EPHB1: variants seen among roughly 807,000 people sequenced by gnomAD.
The protein encoded by EPHB1 is ephrin type-B receptor 1.
A neutral mutation model predicts 94.4 loss-of-function variants in EPHB1; 30 were observed. That is an observed-to-expected ratio of 0.32 (90% CI 0.24 to 0.43). The LOEUF (loss-of-function observed/expected upper bound fraction) is 0.43. Among genes scored for constraint, EPHB1 ranks in the 20% least tolerant of loss-of-function variants. The pLI, the probability that EPHB1 is intolerant of heterozygous loss-of-function variation, is 1.00. For missense variants in EPHB1, 1,055 were observed against 1,308.3 expected, an observed-to-expected ratio of 0.81 and a Z score of 2.99; for synonymous variants, 522 against 489.1, an observed-to-expected ratio of 1.07 and a Z score of -0.89.
intron 12 of EPHB1, among the ~76,000 whole-genome samples, chr3:135,208,290 CGT>C (rs55947191): frequency 0.084 from 11,984 of 142,126 alleles, 488 homozygotes; most frequent in Middle Eastern, 0.15. Flanking sequence ...CCTTTCATGA[CGT>C]GTGTGTGTGT....
At chr3:134,950,577 AG>A (rs1369648000) in intron 2 of EPHB1, among the ~76,000 whole-genome samples, 1 of 152,208 alleles carries the variant, frequency 6.6e-6, no homozygotes, top group African/African-American at 2.4e-5. Flanking sequence ...ATGGCAGGCC[AG>A]GGGAGCCAGC....
At chr3:135,258,925 C>G (rs1933531742) in intron 15 of EPHB1, 87 bp from the exon 16 acceptor site, 6 of 1,178,292 alleles carry the variant, frequency 5.1e-6, no homozygotes, top group Admixed American at 2.2e-5. Context: ...GGCTACTTCC[C>G]AAGAACATGG....
At chr3:134,920,179 T>C (rs899073401) in intron 1 of EPHB1, among the ~76,000 whole-genome samples, 1 of 152,152 alleles carries the variant, frequency 6.6e-6, no homozygotes, top group African/African-American at 2.4e-5. Context: ...CAGCACTCCC[T>C]TCCCCCAGTC....
intron 12 of EPHB1, 127 bp downstream of exon 12, chr3:135,201,816 C>T: frequency 3.3e-6 from 3 of 903,736 alleles, no homozygotes; most frequent in East Asian, 2.7e-5. Flanking sequence ...CACTGAAAGA[C>T]CAAGATGCCA....
intron 3 of EPHB1, among the ~76,000 whole-genome samples, chr3:135,071,532 C>G (rs1937709634): frequency 6.6e-6 from 1 of 152,158 alleles, no homozygotes; most frequent in African/African-American, 2.4e-5. Context: ...AAGTGCTGGA[C>G]TAGGATGTGT....
chr3:135,039,186 T>C (rs1022160408), intron 3 of EPHB1, among the ~76,000 whole-genome samples: 2 of 151,862 alleles, frequency 1.3e-5, no homozygotes, highest in Non-Finnish European at 2.9e-5. Context: ...TTACAATCCC[T>C]GAGCTAGACA....
intron 3 of EPHB1, among the ~76,000 whole-genome samples, chr3:134,999,680 G>A (rs1935112858): frequency 6.6e-6 from 1 of 152,190 alleles, no homozygotes; most frequent in Non-Finnish European, 1.5e-5. Flanking sequence ...GAAAAAGAAG[G>A]ATGAGAGGAT....
intron 1 of EPHB1, among the ~76,000 whole-genome samples, chr3:134,820,928 A>C (rs1351054424): frequency 2.0e-5 from 3 of 152,208 alleles, no homozygotes; most frequent in Non-Finnish European, 2.9e-5. Context: ...ATTGGCTCAC[A>C]TAATTTTGAA....
At chr3:134,964,963 G>A (rs1463533742) in intron 3 of EPHB1, among the ~76,000 whole-genome samples, 4 of 152,062 alleles carry the variant, frequency 2.6e-5, no homozygotes, top group African/African-American at 9.7e-5. Context: ...TAAAATACAG[G>A]AAATCAATGA....
chr3:135,116,039 C>T (rs1208743955), intron 4 of EPHB1, among the ~76,000 whole-genome samples: 3 of 152,024 alleles, frequency 2.0e-5, no homozygotes, highest in Non-Finnish European at 2.9e-5. Context: ...CATGGTGAAA[C>T]CCCGTCTCTA....
intron 3 of EPHB1, among the ~76,000 whole-genome samples, chr3:135,021,513 C>T (rs1442632879): frequency 1.3e-5 from 2 of 151,690 alleles, no homozygotes; most frequent in South Asian, 4.2e-4. Flanking sequence ...CCCCACCCCC[C>T]ACCGGTTTAC....
chr3:135,087,999 T>C (rs1475246267), intron 3 of EPHB1, among the ~76,000 whole-genome samples: 42 of 152,226 alleles, frequency 2.8e-4, no homozygotes, highest in Non-Finnish European at 1.5e-5. Context: ...AGGCAGGAAC[T>C]CAGAGGGACT....
Position 134,951,328 on chromosome 3 carries a change from T to G in EPHB1, c.124-43T>G, listed in dbSNP as rs747607901. 6 of 1,488,506 alleles carry G rather than the reference T, an allele frequency of 4.0e-6. No homozygotes were observed. Among genetic ancestry groups the G allele is most frequent in the Non-Finnish European group, 5.4e-6 (6 of 1,114,976 alleles). The allele number at this position is 1,488,506 out of a possible 1,614,324, so 92.2% of individuals were successfully genotyped here. Reference sequence around the variant, plus strand: ...CTATTTTTGTATTCTCACTCTCTATTTTGTGTTTTTGCATGTGTGTGCCTG... The same window carrying G: ...CTATTTTTGTATTCTCACTCTCTATGTTGTGTTTTTGCATGTGTGTGCCTG... On this transcript the variant is annotated intron_variant, in intron 2 of 15. Transcript: ENST00000398015. The surrounding 1 kb of genome is among the most constrained non-coding windows in gnomAD (Gnocchi z 4.5).
intron 3 of EPHB1, among the ~76,000 whole-genome samples, chr3:134,968,581 T>G (rs944561806): frequency 6.6e-6 from 1 of 152,246 alleles, no homozygotes; most frequent in Non-Finnish European, 1.5e-5. Context: ...ATTCTATTTT[T>G]AAAAATTATA....
intron 3 of EPHB1, among the ~76,000 whole-genome samples, chr3:134,980,121 A>G (rs1178728120): frequency 1.3e-5 from 2 of 152,196 alleles, no homozygotes; most frequent in African/African-American, 2.4e-5. Flanking sequence ...CAAAATTTGA[A>G]TGGCTGGGAG....
intron 8 of EPHB1, 110 bp from the exon 9 acceptor site, chr3:135,166,832 G>T: frequency 1.8e-6 from 2 of 1,133,984 alleles, no homozygotes. Flanking sequence ...CCCTAATCCT[G>T]GGAGATGCCC....
intron 1 of EPHB1, among the ~76,000 whole-genome samples, chr3:134,827,044 T>C (rs981913786): frequency 9.2e-5 from 14 of 152,252 alleles, no homozygotes; most frequent in Non-Finnish European, 2.9e-5. Context: ...CAGTGAGTTC[T>C]CTGCTCAGAA....
intron 1 of EPHB1, among the ~76,000 whole-genome samples, chr3:134,811,602 C>T (rs1355101680): frequency 6.6e-6 from 1 of 151,974 alleles, no homozygotes; most frequent in Non-Finnish European, 1.5e-5. Flanking sequence ...ATGTTAATAG[C>T]ACAGATATTG....
At chr3:134,996,191 T>TTTTA (rs924176215) in intron 3 of EPHB1, among the ~76,000 whole-genome samples, 13 of 152,274 alleles carry the variant, frequency 8.5e-5, no homozygotes, top group African/African-American at 2.6e-4. Flanking sequence ...AATAATATTC[T>TTTTA]TTTATTTATT....
Sources: gnomAD v4.1 joint callset for allele counts (sites outside exome capture counted in the v4.1 genomes callset) on GRCh38, gnomAD v4.1.1 for gene constraint, Gnocchi (gnomAD v3.1) non-coding constraint, MANE v1.5 for transcripts, NCBI Gene and HGNC (gene_info 2026-07-23, HGNC 2026-07-21) for gene names.